Variants in CNTRL observed in about 807,000 individuals in gnomAD.
CNTRL encodes centriolin, also known as 110 kDa centrosomal protein.
CNTRL carries 233 observed loss-of-function variants against 303.7 expected under a neutral mutation model. The observed-to-expected ratio is 0.77, with a 90% CI of 0.69 to 0.86. The LOEUF (loss-of-function observed/expected upper bound fraction) is 0.86. CNTRL is among the 40% of genes least tolerant of loss of function. The pLI is 0.00. For synonymous variants in CNTRL, 900 were observed against 922.2 expected (o/e 0.98, Z 0.44); for missense variants, 2,524 against 2,650.6 (o/e 0.95, Z 1.05).
chr9:121,164,423 T>C (rs1004571084), intron 34 of CNTRL, among the ~76,000 whole-genome samples: 19 of 152,168 alleles, frequency 1.2e-4, no homozygotes, highest in Non-Finnish European at 2.2e-4. Context: ...GGTAAATAGA[T>C]AAACAAATTG....
chr9:121,176,681 T>G (rs183094780), intron 43 of CNTRL, among the ~76,000 whole-genome samples: 2 of 152,286 alleles, frequency 1.3e-5, no homozygotes, highest in Admixed American at 1.3e-4. Context: ...GCGAGATTGG[T>G]AGAATTATTT....
chr9:121,154,143 T>C (rs2134320719), intron 26 of CNTRL, among the ~76,000 whole-genome samples: 1 of 152,364 alleles, frequency 6.6e-6, no homozygotes, highest in Middle Eastern at 3.4e-3. Flanking sequence ...ATCTGTTAAA[T>C]GTTGAATTTA....
chr9:121,141,712 A>G (rs2051525924), intron 18 of CNTRL, 124 bp downstream of exon 18: 1 of 952,720 alleles, frequency 1.0e-6, no homozygotes. Context: ...CACTTATAAC[A>G]AGTCAAGCTG....
At chr9:121,137,673 G>T (rs2051272477) in intron 15 of CNTRL, among the ~76,000 whole-genome samples, 1 of 152,160 alleles carries the variant, frequency 6.6e-6, no homozygotes, top group Non-Finnish European at 1.5e-5. Flanking sequence ...GACAAGATCA[G>T]AGTCTCAGAA....
At chr9:121,086,561 T>C (rs1012401462) in intron 2 of CNTRL, among the ~76,000 whole-genome samples, 14 of 151,324 alleles carry the variant, frequency 9.3e-5, no homozygotes, top group Non-Finnish European at 1.9e-4. Flanking sequence ...TCTAGAGCAA[T>C]AGGGACAGAT....
chr9:121,154,599 C>G, intron 26 of CNTRL, 122 bp from the exon 27 acceptor site: 1 of 613,386 alleles, frequency 1.6e-6, no homozygotes, highest in Non-Finnish European at 2.8e-6. Flanking sequence ...ATGTAGCAGT[C>G]TTTCTTACCT....
intron 4 of CNTRL, among the ~76,000 whole-genome samples, chr9:121,092,324 ATACT>A (rs1238784868): frequency 1.0e-4 from 15 of 143,310 alleles, no homozygotes; most frequent in Non-Finnish European, 1.6e-4. Context: ...TGCTAAATAA[ATACT>A]TACTTGTTGA....
intron 12 of CNTRL, among the ~76,000 whole-genome samples, chr9:121,119,358 C>T (rs1163300405): frequency 6.7e-6 from 1 of 149,926 alleles, no homozygotes; most frequent in Non-Finnish European, 1.5e-5. Flanking sequence ...TGCAGTGGCG[C>T]AATCTCCGCT....
chr9:121,099,738 TG>T (rs1191025230), intron 7 of CNTRL, among the ~76,000 whole-genome samples: 2 of 152,138 alleles, frequency 1.3e-5, no homozygotes, highest in African/African-American at 4.8e-5. Context: ...CTGAAAACCG[TG>T]GCACGAGAAC....
In CNTRL at chr9:121,092,732, T is replaced by A. The variant is rs1170036806; in HGVS notation, c.349-2156T>A. ...TATATAATATATATCTATATATATATAATATATATCTATATATAATATATA... is the reference window on the plus strand; with the variant it reads ...TATATAATATATATCTATATATATAAAATATATATCTATATATAATATATA... On this transcript the variant is annotated intron_variant, in intron 4 of 43. Transcript: ENST00000373855. 5.1e-5 allele frequency among the ~76,000 whole-genome samples: 2 copies of A among 39,168 alleles called. 1 individual carries two copies. Among genetic ancestry groups the A allele is most frequent in the Admixed American group, 1.2e-3 (2 of 1,734 alleles). 25.7% of individuals were successfully genotyped at this position (39,168 alleles called of 152,430 possible).
At chr9:121,140,227 A>T (rs2051424475) in intron 16 of CNTRL, among the ~76,000 whole-genome samples, 1 of 152,190 alleles carries the variant, frequency 6.6e-6, no homozygotes, top group Non-Finnish European at 1.5e-5. Context: ...CAGCATTTAT[A>T]TAGGCTTGCT....
At chr9:121,145,418 T>A in intron 22 of CNTRL, 33 bp downstream of exon 22, 1 of 1,557,550 alleles carries the variant, frequency 6.4e-7, no homozygotes, top group Non-Finnish European at 8.7e-7. Flanking sequence ...TTGGCAGTGG[T>A]TTTGTAGTCA....
At chr9:121,150,794 G>T (rs2134223998) in intron 25 of CNTRL, 3 of 288,650 alleles carry the variant, frequency 1.0e-5, no homozygotes, top group Middle Eastern at 2.1e-3. Context: ...CAGGAGTTAG[G>T]GTCTCAGGCC....
Position 121,113,706 on chromosome 9 carries a change from G to GA in CNTRL, c.1336dup (p.Ile446AsnfsTer13), listed in dbSNP as rs747099268. 963 of 1,482,040 alleles carry GA rather than the reference G, an allele frequency of 6.5e-4. No homozygotes were observed. The highest frequency in any genetic ancestry group is 1.8e-3 in the South Asian group (129 of 71,806). The allele number at this position is 1,482,040 out of a possible 1,614,324, so 91.8% of individuals were successfully genotyped here. ...ACTGGACACGCAACTGGAAGACAAAGAAAAAAAAATAAGTGCAGGTTAAAA... is the reference window on the plus strand; with the variant it reads ...ACTGGACACGCAACTGGAAGACAAAGAAAAAAAAAATAAGTGCAGGTTAAAA... On this transcript the variant is annotated frameshift_variant, in exon 10 of 44. Transcript: ENST00000373855. LOFTEE classifies it high-confidence loss of function.
chr9:121,077,819 G>A (rs2047985432), intron 1 of CNTRL, among the ~76,000 whole-genome samples: 3 of 120,228 alleles, frequency 2.5e-5, no homozygotes, highest in South Asian at 5.8e-4. Flanking sequence ...GGTTATATGC[G>A]CCTGTAGTCC....
intron 8 of CNTRL, among the ~76,000 whole-genome samples, chr9:121,110,139 G>A (rs543071406): frequency 4.2e-4 from 64 of 152,202 alleles, no homozygotes; most frequent in African/African-American, 1.5e-3. Context: ...GTCTTCTGGT[G>A]GCCATTTAAA....
Position 121,107,980 on chromosome 9 carries a change from C to A in CNTRL, c.987C>A (p.Asn329Lys). The change falls in exon 8 of 44, where the codon AAC becomes AAA. Residue 329 changes from asparagine (N) to lysine (K), a missense_variant. Transcript: ENST00000373855. ...GTGAGGAACTCAAGAGTGACTTAAA[C>A]ACAAAAAATGAATTGGTAAGTTCAT... ...QSCEELKSDLNTKNELLKQKT... is the reference protein window; with the variant it reads ...QSCEELKSDLKTKNELLKQKT... 6.3e-7 allele frequency: 1 copy of A among 1,575,290 alleles called. No individual in the cohort carries two copies. The highest frequency in any genetic ancestry group is 8.6e-7 in the Non-Finnish European group (1 of 1,166,870).
chr9:121,091,566 G>A (rs1021632265), intron 4 of CNTRL, among the ~76,000 whole-genome samples: 4 of 152,140 alleles, frequency 2.6e-5, no homozygotes, highest in Admixed American at 2.6e-4. Flanking sequence ...GCAGCAGCCG[G>A]GCGCAGTGGC....
At chr9:121,149,630 C>T (rs2052098591) in intron 24 of CNTRL, among the ~76,000 whole-genome samples, 1 of 152,020 alleles carries the variant, frequency 6.6e-6, no homozygotes, top group Non-Finnish European at 1.5e-5. Flanking sequence ...TGGTCTCGAA[C>T]TCCTGACCTC....
Sources: allele counts gnomAD v4.1 joint callset (sites outside exome capture counted in the v4.1 genomes callset), GRCh38; gene constraint gnomAD v4.1.1; transcripts MANE v1.5; gene names NCBI Gene and HGNC (gene_info 2026-07-23, HGNC 2026-07-21).